The following MACROD2 variants were observed in gnomAD, a reference collection of about 807,000 sequenced individuals.
The protein encoded by MACROD2 is ADP-ribose glycohydrolase MACROD2.
A neutral mutation model predicts 70.4 loss-of-function variants in MACROD2; 36 were observed. The ratio of observed to expected loss-of-function variants is 0.51; its 90% CI spans 0.39 to 0.68. MACROD2 has a LOEUF of 0.68. Among genes scored for constraint, MACROD2 ranks in the 30% least tolerant of loss-of-function variants. MACROD2 has a pLI of 0.00. For synonymous variants in MACROD2, 172 were observed against 178.8 expected, an observed-to-expected ratio of 0.96 and a Z score of 0.30; for missense variants, 496 against 538.4, an observed-to-expected ratio of 0.92 and a Z score of 0.78.
intron 5 of MACROD2, among the ~76,000 whole-genome samples, chr20:14,840,696 A>T (rs1335988307): frequency 6.6e-6 from 1 of 152,128 alleles, no homozygotes; most frequent in African/African-American, 2.4e-5. Context: ...AAAAATATTG[A>T]TGTTCTCTCA....
chr20:15,151,885 G>T (rs1183398473), intron 5 of MACROD2, among the ~76,000 whole-genome samples: 5 of 151,798 alleles, frequency 3.3e-5, no homozygotes, highest in Non-Finnish European at 7.4e-5. Flanking sequence ...AGGAAGAATT[G>T]GGACCTAGCT....
intron 5 of MACROD2, among the ~76,000 whole-genome samples, chr20:14,756,871 G>C (rs116556392): frequency 6.6e-6 from 1 of 152,048 alleles, no homozygotes; most frequent in Non-Finnish European, 1.5e-5. Context: ...TAGTGAGTGA[G>C]TTCTCGTGGG....
intron 5 of MACROD2, among the ~76,000 whole-genome samples, chr20:14,866,380 C>T (rs1207001148): frequency 6.6e-6 from 1 of 152,094 alleles, no homozygotes; most frequent in East Asian, 1.9e-4. Flanking sequence ...TTTTGTCTGT[C>T]AGTTGGCAGA....
At chr20:15,466,551 G>A (rs1375790488) in intron 7 of MACROD2, among the ~76,000 whole-genome samples, 2 of 152,098 alleles carry the variant, frequency 1.3e-5, no homozygotes, top group Non-Finnish European at 2.9e-5. Flanking sequence ...TTGGCCTATG[G>A]GCATGTCACT....
rs561636660 is a variant in MACROD2, at chr20:14,936,305, A to G, written c.418+251346A>G. On this transcript the variant is annotated intron_variant, in intron 5 of 17. Coordinates refer to ENST00000684519, the MANE Select transcript of MACROD2 (RefSeq NM_001351661.2). The stretch of plus-strand genomic sequence containing the variant: ...AAGTGAAAATGCCCTGAGATAAGAA[A>G]GAAACTTTAGAATTCAAGTAATACA... Among the ~76,000 whole-genome samples, 7 of 152,274 alleles carry G rather than the reference A, an allele frequency of 4.6e-5. No homozygotes were observed. In the East Asian group the frequency reaches 1.4e-3, roughly 29 times the overall value.
intron 5 of MACROD2, among the ~76,000 whole-genome samples, chr20:14,988,409 C>T (rs1329530221): frequency 1.3e-5 from 2 of 151,526 alleles, no homozygotes; most frequent in Non-Finnish European, 2.9e-5. Context: ...TCCATCCCTC[C>T]TTGCCCTGTG....
intron 8 of MACROD2, among the ~76,000 whole-genome samples, chr20:15,521,947 C>T (rs2047658693): frequency 6.6e-6 from 1 of 152,168 alleles, no homozygotes; most frequent in Non-Finnish European, 1.5e-5. Flanking sequence ...GCCACAGGCC[C>T]TTCAGTGGTA....
At chr20:14,028,709 G>A (rs2053210210) in intron 2 of MACROD2, among the ~76,000 whole-genome samples, 1 of 152,158 alleles carries the variant, frequency 6.6e-6, no homozygotes, top group Non-Finnish European at 1.5e-5. Flanking sequence ...TCTGGGTGAG[G>A]TGATGCCCCA....
chr20:16,050,018 G>C lies in MACROD2; in HGVS notation c.*142G>C, dbSNP rs1234670524. ...ATCCTTTACTCTAATTTCTCCAGCTGCATTTTGTTCCGTTTATCTGCAGAA... is the reference window on the plus strand; with the variant it reads ...ATCCTTTACTCTAATTTCTCCAGCTCCATTTTGTTCCGTTTATCTGCAGAA... On this transcript the variant is annotated 3_prime_UTR_variant, in exon 18 of 18. Coordinates refer to ENST00000684519, the MANE Select transcript of MACROD2 (RefSeq NM_001351661.2). The C allele has an allele frequency of 3.1e-6, 2 of 647,040 alleles. No individual in the cohort carries two copies. Among genetic ancestry groups the C allele is most frequent in the African/African-American group, 1.9e-5 (1 of 52,990 alleles). The allele number at this position is 647,040 out of a possible 1,614,324, so 40.1% of individuals were successfully genotyped here.
At chr20:14,337,506 C>T (rs1216195848) in intron 3 of MACROD2, 2 of 398,612 alleles carry the variant, frequency 5.0e-6, no homozygotes, top group Non-Finnish European at 8.8e-6. Flanking sequence ...CCAAGCTCTG[C>T]GTCCAGTCCA....
chr20:15,544,219 G>A (rs981287729), intron 8 of MACROD2, among the ~76,000 whole-genome samples: 1 of 152,158 alleles, frequency 6.6e-6, no homozygotes, highest in African/African-American at 2.4e-5. Flanking sequence ...GCCTGGAGTC[G>A]TATCATTTGC....
chr20:14,295,273 A>G (rs1351939167), intron 3 of MACROD2, among the ~76,000 whole-genome samples: 1 of 151,924 alleles, frequency 6.6e-6, no homozygotes. Flanking sequence ...CTGCTGCCAG[A>G]ATTTCTTTCC....
intron 3 of MACROD2, among the ~76,000 whole-genome samples, chr20:14,401,305 G>A (rs1012918568): frequency 6.6e-6 from 1 of 151,956 alleles, no homozygotes; most frequent in African/African-American, 2.4e-5. Flanking sequence ...TATTCCTTTG[G>A]GTATATACCC....
chr20:14,288,193 C>A (rs748445266), intron 3 of MACROD2, among the ~76,000 whole-genome samples: 1 of 151,742 alleles, frequency 6.6e-6, no homozygotes, highest in African/African-American at 2.4e-5. Context: ...TTCTTCTTCC[C>A]CACCTGAGAA....
intron 2 of MACROD2, among the ~76,000 whole-genome samples, chr20:14,039,951 A>G (rs1332082412): frequency 6.6e-6 from 1 of 152,210 alleles, no homozygotes; most frequent in Non-Finnish European, 1.5e-5. Context: ...GTAGAGTGAC[A>G]TAAATGTCTT....
At chr20:15,465,487 A>G (rs1330306516) in intron 7 of MACROD2, among the ~76,000 whole-genome samples, 1 of 152,248 alleles carries the variant, frequency 6.6e-6, no homozygotes, top group East Asian at 1.9e-4. Context: ...ATGCTTGGCA[A>G]TCTCGGGATG....
intron 15 of MACROD2, among the ~76,000 whole-genome samples, chr20:15,992,823 C>T (rs2066576120): frequency 6.6e-6 from 1 of 152,168 alleles, no homozygotes. Context: ...AAAGATGACT[C>T]ACATAAGTGG....
chr20:14,818,960 A>C (rs1453595543), intron 5 of MACROD2, among the ~76,000 whole-genome samples: 1 of 150,202 alleles, frequency 6.7e-6, no homozygotes, highest in Non-Finnish European at 1.5e-5. Context: ...GAGGTTAATT[A>C]ACTTGTCTAA....
chr20:14,804,025 T>C (rs2072609443), intron 5 of MACROD2, among the ~76,000 whole-genome samples: 1 of 152,082 alleles, frequency 6.6e-6, no homozygotes, highest in Non-Finnish European at 1.5e-5. Context: ...CTTTTGTTGG[T>C]AATTATTTAG....
Sources: allele counts gnomAD v4.1 joint callset (sites outside exome capture counted in the v4.1 genomes callset), GRCh38; gene constraint gnomAD v4.1.1; transcripts MANE v1.5; gene names NCBI Gene and HGNC (gene_info 2026-07-23, HGNC 2026-07-21).